The following RPS6KA6 variants were observed in gnomAD, a reference collection of about 807,000 sequenced individuals.
RPS6KA6 encodes ribosomal protein S6 kinase A6.
RPS6KA6 carries 27 observed loss-of-function variants against 65.4 expected under a neutral mutation model. The ratio of observed to expected loss-of-function variants is 0.41; its 90% CI spans 0.30 to 0.57. The LOEUF (loss-of-function observed/expected upper bound fraction) is 0.57, where lower values mean the gene tolerates loss of function less well. Among genes scored for constraint, RPS6KA6 ranks in the 20% least tolerant of loss-of-function variants. RPS6KA6 has a pLI of 0.24. For missense variants in RPS6KA6, 486 were observed against 555.6 expected (o/e 0.87, Z 1.26); for synonymous variants, 190 against 184.2 (o/e 1.03, Z -0.26).
intron 6 of RPS6KA6, among the ~76,000 whole-genome samples, chrX:84,138,342 C>T (rs1211976297): frequency 9.1e-6 from 1 of 110,154 alleles, no homozygotes; most frequent in Non-Finnish European, 1.9e-5. Flanking sequence ...CACTGGAGCC[C>T]AGGAGTTTGA....
intron 18 of RPS6KA6, 78 bp downstream of exon 18, chrX:84,101,959 A>G (rs2034266735): frequency 3.6e-6 from 3 of 844,087 alleles, no homozygotes; most frequent in African/African-American, 2.1e-5. Context: ...TCTGCCTACC[A>G]TAACATTCAT....
intron 8 of RPS6KA6, among the ~76,000 whole-genome samples, chrX:84,125,876 TAAAG>T (rs958262233): frequency 1.8e-5 from 2 of 109,086 alleles, no homozygotes; most frequent in African/African-American, 3.3e-5. Flanking sequence ...AATAAATAAA[TAAAG>T]AGAAAGAAAC....
chrX:84,162,282 C>T (rs939355161), intron 2 of RPS6KA6, among the ~76,000 whole-genome samples: 1 of 110,106 alleles, frequency 9.1e-6, no homozygotes, highest in Non-Finnish European at 1.9e-5. Flanking sequence ...AGAAAAAAAT[C>T]GTAGCTGTAT....
upstream of RPS6KA6, among the ~76,000 whole-genome samples, chrX:84,188,286 T>C (rs1362321712): frequency 9.2e-6 from 1 of 108,878 alleles, no homozygotes; most frequent in Non-Finnish European, 1.9e-5. Context: ...GTGCGGCGCC[T>C]GGACCCCCCC....
intron 20 of RPS6KA6, among the ~76,000 whole-genome samples, chrX:84,074,952 A>G (rs2033629977): frequency 8.9e-6 from 1 of 112,004 alleles, no homozygotes; most frequent in African/African-American, 3.2e-5. Flanking sequence ...AAAAGACTCA[A>G]GGCCGGGCAT....
At chrX:84,101,125 T>C (rs1286170405) in intron 18 of RPS6KA6, among the ~76,000 whole-genome samples, 2 of 111,349 alleles carry the variant, frequency 1.8e-5, no homozygotes, top group Non-Finnish European at 3.8e-5. Flanking sequence ...TCTCCTTTGA[T>C]TGACACATCA....
intron 20 of RPS6KA6, among the ~76,000 whole-genome samples, chrX:84,078,620 C>T (rs1041260752): frequency 2.7e-5 from 3 of 111,875 alleles, no homozygotes; most frequent in South Asian, 3.7e-4. Context: ...TTAACTATTG[C>T]TGTACTTCAA....
intron 20 of RPS6KA6, among the ~76,000 whole-genome samples, chrX:84,075,040 C>T (rs1053709251): frequency 4.5e-5 from 5 of 111,467 alleles, no homozygotes; most frequent in Non-Finnish European, 9.4e-5. Flanking sequence ...CGAGACCAGC[C>T]TGGCCAACAT....
At chrX:84,072,894 C>T (rs998845393) in intron 20 of RPS6KA6, among the ~76,000 whole-genome samples, 1 of 111,439 alleles carries the variant, frequency 9.0e-6, no homozygotes, top group African/African-American at 3.3e-5. Flanking sequence ...GAAGAGGATA[C>T]AAATAAATGG....
At chrX:84,088,997 A>C (rs747799189) in intron 20 of RPS6KA6, among the ~76,000 whole-genome samples, 5 of 108,884 alleles carry the variant, frequency 4.6e-5, no homozygotes, top group Admixed American at 2.9e-4. Context: ...ATGGCTGTTG[A>C]CTGAACTGCA....
chrX:84,150,977 GGATATATATAT>G (rs1423696962), intron 3 of RPS6KA6, among the ~76,000 whole-genome samples: 5 of 91,076 alleles, frequency 5.5e-5, no homozygotes, highest in Non-Finnish European at 8.6e-5. Context: ...GATATATATA[GGATATATATAT>G]AGAGGATATA....
At chrX:84,168,260 C>G (rs6622942) in intron 1 of RPS6KA6, among the ~76,000 whole-genome samples, 6,943 of 111,225 alleles carry the variant, frequency 0.062, 226 homozygotes, top group East Asian at 0.21. Flanking sequence ...CACATTCTTT[C>G]CCCACGCAGC....
intron 18 of RPS6KA6, 36 bp downstream of exon 18, chrX:84,102,001 G>A: frequency 9.0e-7 from 1 of 1,114,103 alleles, no homozygotes; most frequent in Non-Finnish European, 1.2e-6. Context: ...TAAAGGAAAA[G>A]AATGAAAGGC....
In RPS6KA6 at chrX:84,187,784, G is replaced by A. The variant is rs765810090; in HGVS notation, c.81+35C>T. 3.4e-6 allele frequency: 4 copies of A among 1,169,500 alleles called. No homozygotes were observed. In the East Asian group the frequency reaches 9.5e-5, roughly 28 times the overall value. Reference sequence around the variant, plus strand: ...AAGGTCTTGAGGGGAAGGAGGCGGGGGTTGGCTCCAGCCCGTCTTGGCCAC... The same window carrying A: ...AAGGTCTTGAGGGGAAGGAGGCGGGAGTTGGCTCCAGCCCGTCTTGGCCAC... On this transcript the variant is annotated intron_variant, in intron 1 of 21. Transcript: ENST00000262752.
In RPS6KA6 at chrX:84,145,484, G is replaced by A. The variant is rs762466146; in HGVS notation, c.495C>T (p.Ser165=). ...LRGGDVFTRL[S]KEVLFTEEDV... ...AAAATGTACAGATACTTACCTCTTT[G>A]GATAATCTTGTGAAAACATCTCCTC... Residue 165 remains serine, a synonymous_variant, in exon 6 of 22, where the codon TCC becomes TCT. Coordinates refer to ENST00000262752, the MANE Select transcript of RPS6KA6 (RefSeq NM_014496.5). The A allele has an allele frequency of 2.7e-6, 3 of 1,121,451 alleles. No individual in the cohort carries two copies. Among genetic ancestry groups the A allele is most frequent in the South Asian group, 4.1e-5 (2 of 48,942 alleles). 92.4% of individuals were successfully genotyped at this position (1,121,451 alleles called of 1,213,427 possible).
intron 2 of RPS6KA6, among the ~76,000 whole-genome samples, chrX:84,163,361 C>T (rs1185942885): frequency 2.7e-5 from 3 of 111,095 alleles, no homozygotes; most frequent in South Asian, 3.8e-4. Flanking sequence ...ATAACTCGGC[C>T]GGGCGCGGTG....
intron 2 of RPS6KA6, among the ~76,000 whole-genome samples, chrX:84,162,495 C>T (rs2035529372): frequency 9.0e-6 from 1 of 111,649 alleles, no homozygotes; most frequent in Non-Finnish European, 1.9e-5. Context: ...ACCTTTTAGC[C>T]ACTGAAGTTG....
chrX:84,138,137 C>T (rs916564142), intron 6 of RPS6KA6, among the ~76,000 whole-genome samples: 2 of 111,793 alleles, frequency 1.8e-5, no homozygotes, highest in Non-Finnish European at 3.8e-5. Context: ...TTCTCAAATA[C>T]TGTTTATTGA....
At chrX:84,174,177 G>A (rs889032549) in intron 1 of RPS6KA6, among the ~76,000 whole-genome samples, 12 of 111,036 alleles carry the variant, frequency 1.1e-4, no homozygotes, top group African/African-American at 3.9e-4. Context: ...AATATCTATG[G>A]TCATTTCCCC....
Sources: gnomAD v4.1 joint callset for allele counts (sites outside exome capture counted in the v4.1 genomes callset) on GRCh38, gnomAD v4.1.1 for gene constraint, MANE v1.5 for transcripts, NCBI Gene and HGNC (gene_info 2026-07-23, HGNC 2026-07-21) for gene names.